Variants in OR1L8 observed in about 807,000 individuals in gnomAD.
The protein encoded by OR1L8 is olfactory receptor family 1 subfamily L member 8, also known as olfactory receptor 1L8.
For missense variants in OR1L8, 330 were observed against 377.4 expected, an observed-to-expected ratio of 0.87 and a Z score of 1.04; for synonymous variants, 148 against 147.0, an observed-to-expected ratio of 1.01 and a Z score of -0.05.
the OR1L8 span, chr9:122,553,656 G>A: frequency 1.2e-6 from 2 of 1,613,974 alleles, no homozygotes; most frequent in East Asian, 2.2e-5. Flanking sequence ...ACTAATGCTG[G>A]GTGTGTGCTG....
intron 3 of OR1L8, among the ~76,000 whole-genome samples, chr9:122,575,919 ATTG>A (rs1173404517): frequency 4.6e-5 from 7 of 151,998 alleles, no homozygotes; most frequent in African/African-American, 1.7e-4. Flanking sequence ...TGTAGTAACT[ATTG>A]TTTCATTCTC....
At chr9:122,576,388 A>T (rs1588218912) in intron 3 of OR1L8, among the ~76,000 whole-genome samples, 1 of 138,610 alleles carries the variant, frequency 7.2e-6, no homozygotes, top group African/African-American at 2.6e-5. Context: ...CGCCCAGCTA[A>T]TTTTTTTTTT....
At chr9:122,578,524 A>G (rs1829695464) in intron 1 of OR1L8, 79 bp from the exon 2 acceptor site, 1 of 151,898 alleles carries the variant, frequency 6.6e-6, no homozygotes, top group Non-Finnish European at 1.5e-5. Context: ...ACCACAATTC[A>G]CAATTGCAAA....
intron 1 of OR1L8, among the ~76,000 whole-genome samples, chr9:122,581,468 A>C (rs193133630): frequency 6.6e-6 from 1 of 152,302 alleles, no homozygotes; most frequent in Non-Finnish European, 1.5e-5. Context: ...CTTCCAAAAA[A>C]TTTTCAAAAA....
rs1829459169 is a variant in OR1L8 at position 122,567,792 on chromosome 9, A to C, written c.686T>G (p.Ile229Ser). Reference protein sequence around the residue: ...YIRILTTVLKIPSTSGKRKAF... With the variant: ...YIRILTTVLKSPSTSGKRKAF... ...TTTGCGTTTCCCAGAAGTAGAGGGAATCTTGAGAACTGTAGTGAGGATTCG... is the reference window on the plus strand; with the variant it reads ...TTTGCGTTTCCCAGAAGTAGAGGGACTCTTGAGAACTGTAGTGAGGATTCG... The change falls in exon 5 of 5, where the codon ATT (isoleucine) becomes AGT (serine). Residue 229 changes from isoleucine (I) to serine (S), a missense_variant. By Grantham distance (142) the Ile-to-Ser change is moderately radical (BLOSUM62 -2). Coordinates refer to ENST00000641027, the MANE Select transcript of OR1L8 (RefSeq NM_001004454.2). The C allele has an allele frequency of 6.2e-7, 1 of 1,614,004 alleles. No homozygotes were observed. Among genetic ancestry groups the C allele is most frequent in the Non-Finnish European group, 8.5e-7 (1 of 1,179,972 alleles).
At chr9:122,551,344 T>C in the OR1L8 span, among the ~76,000 whole-genome samples, 2 of 152,356 alleles carry the variant, frequency 1.3e-5, no homozygotes, top group African/African-American at 4.8e-5. Context: ...GTAGCTTTTT[T>C]TGAGCAGCTG....
At chr9:122,577,949 TC>T (rs1222530230) in intron 2 of OR1L8, among the ~76,000 whole-genome samples, 4 of 152,234 alleles carry the variant, frequency 2.6e-5, no homozygotes, top group Non-Finnish European at 5.9e-5. Context: ...ACCTAGTCTT[TC>T]ACTTTCAGGA....
chr9:122,575,062 T>G (rs1829627918), intron 3 of OR1L8, among the ~76,000 whole-genome samples: 2 of 152,158 alleles, frequency 1.3e-5, no homozygotes, highest in Admixed American at 6.5e-5. Flanking sequence ...TTGGTTGTGA[T>G]GTATAAATCT....
the OR1L8 span, among the ~76,000 whole-genome samples, chr9:122,555,146 C>T: frequency 6.6e-6 from 1 of 152,152 alleles, no homozygotes; most frequent in African/African-American, 2.4e-5. Flanking sequence ...AAAAATGTTG[C>T]AGTGATAACT....
the OR1L8 span, among the ~76,000 whole-genome samples, chr9:122,558,311 C>CTTTTTTTTTTT: frequency 2.3e-4 from 8 of 34,472 alleles, 2 homozygotes; most frequent in East Asian, 2.6e-3. Context: ...TTGGATTTTG[C>CTTTTTTTTTTT]TTTTTTTTTT....
intron 4 of OR1L8, among the ~76,000 whole-genome samples, chr9:122,572,063 C>G (rs138807569): frequency 7.2e-4 from 109 of 152,262 alleles, no homozygotes; most frequent in African/African-American, 2.6e-3. Flanking sequence ...TCTTACATGG[C>G]AGGAGCAGAA....
the OR1L8 span, among the ~76,000 whole-genome samples, chr9:122,561,469 A>T: frequency 6.6e-6 from 1 of 152,026 alleles, no homozygotes; most frequent in Non-Finnish European, 1.5e-5. Context: ...TCTCATCTTC[A>T]TGAGTTTGTC....
the OR1L8 span, among the ~76,000 whole-genome samples, chr9:122,556,862 T>C: frequency 4.6e-5 from 7 of 152,184 alleles, no homozygotes; most frequent in Non-Finnish European, 1.0e-4. Flanking sequence ...CATGATAACA[T>C]TGAGTTTTCC....
the OR1L8 span, among the ~76,000 whole-genome samples, chr9:122,558,566 G>T: frequency 1.3e-5 from 2 of 151,390 alleles, no homozygotes; most frequent in Non-Finnish European, 3.0e-5. Context: ...TTTTATGTTT[G>T]TGATGCCTTC....
At chr9:122,561,783 G>A in the OR1L8 span, among the ~76,000 whole-genome samples, 1 of 152,170 alleles carries the variant, frequency 6.6e-6, no homozygotes, top group Admixed American at 6.5e-5. Flanking sequence ...TAAAATGTCT[G>A]ACAACCCCTG....
At chr9:122,581,740 A>T (rs1326370429) in intron 1 of OR1L8, among the ~76,000 whole-genome samples, 1 of 152,038 alleles carries the variant, frequency 6.6e-6, no homozygotes, top group Non-Finnish European at 1.5e-5. Flanking sequence ...TGAGGTCAGG[A>T]GTTTGAGACC....
At chr9:122,549,025 A>AC in the OR1L8 span, among the ~76,000 whole-genome samples, 5 of 151,848 alleles carry the variant, frequency 3.3e-5, no homozygotes, top group Non-Finnish European at 5.9e-5. Context: ...TTGAGGTGTT[A>AC]GTCATGAATT....
At chr9:122,564,000 ACTATAG>A (rs1261879228), downstream of OR1L8, among the ~76,000 whole-genome samples, 1 of 152,142 alleles carries the variant, frequency 6.6e-6, no homozygotes, top group Admixed American at 6.5e-5. Context: ...TGTTTCAGTT[ACTATAG>A]CTTTATAGTA....
chr9:122,576,742 C>G (rs1483999922), intron 3 of OR1L8, 24 bp downstream of exon 3: 1 of 152,182 alleles, frequency 6.6e-6, no homozygotes, highest in Non-Finnish European at 1.5e-5. Context: ...AGCAATTCAT[C>G]AATTACAGTT....
Sources: allele counts gnomAD v4.1 joint callset (sites outside exome capture counted in the v4.1 genomes callset), GRCh38; gene constraint gnomAD v4.1.1; transcripts MANE v1.5; gene names NCBI Gene and HGNC (gene_info 2026-07-23, HGNC 2026-07-21).